Variants in XKR9 observed in about 807,000 individuals in gnomAD.
XKR9 encodes the protein XK-related protein 9.
A neutral mutation model predicts 32.0 loss-of-function variants in XKR9; 32 were observed. The observed-to-expected ratio is 1.00, with a 90% CI of 0.76 to 1.34. XKR9 has a LOEUF of 1.34. Ranked by LOEUF, XKR9 falls within the 40% of genes most tolerant of loss-of-function variation. The probability of loss-of-function intolerance (pLI) is 0.00; values close to 1 mark genes in which losing one functional copy is unlikely to be tolerated. For synonymous variants in XKR9, 168 were observed against 143.4 expected (o/e 1.17, Z -1.22); for missense variants, 546 against 429.7 (o/e 1.27, Z -2.39).
intron 2 of XKR9, among the ~76,000 whole-genome samples, chr8:70,754,639 C>T (rs1329870387): frequency 6.6e-6 from 1 of 151,306 alleles, no homozygotes; most frequent in Non-Finnish European, 1.5e-5. Context: ...CTTTGACAAA[C>T]CTGACAAAAA....
the XKR9 span, among the ~76,000 whole-genome samples, chr8:70,815,786 C>T: frequency 6.6e-6 from 1 of 152,034 alleles, no homozygotes; most frequent in African/African-American, 2.4e-5. Context: ...CAGCCTCCCA[C>T]AGTGCTGGGA....
the XKR9 span, among the ~76,000 whole-genome samples, chr8:70,868,617 CCTCCTAGTCCTTTGAGG>C: frequency 2.6e-5 from 4 of 152,098 alleles, no homozygotes; most frequent in Non-Finnish European, 5.9e-5. Flanking sequence ...ACCACTTTTT[CCTCCTAGTCCTTTGAGG>C]CTGTGATGGG....
chr8:70,927,310 G>T, the XKR9 span, among the ~76,000 whole-genome samples: 1 of 152,100 alleles, frequency 6.6e-6, no homozygotes, highest in Non-Finnish European at 1.5e-5. Context: ...CCTGGGTGGG[G>T]ATCGTCTTTG....
At chr8:70,680,009 A>G (rs1819020740) in intron 2 of XKR9, among the ~76,000 whole-genome samples, 1 of 152,122 alleles carries the variant, frequency 6.6e-6, no homozygotes, top group Non-Finnish European at 1.5e-5. Flanking sequence ...TGTAAAAAAA[A>G]AACCTCAAAA....
At chr8:70,859,783 C>T in the XKR9 span, among the ~76,000 whole-genome samples, 1 of 152,022 alleles carries the variant, frequency 6.6e-6, no homozygotes, top group Admixed American at 6.6e-5. Context: ...GGGAGCTAAA[C>T]ATGATGTCAT....
chr8:70,683,015 A>G (rs1370634209), intron 3 of XKR9, among the ~76,000 whole-genome samples: 2 of 152,188 alleles, frequency 1.3e-5, no homozygotes, highest in Non-Finnish European at 2.9e-5. Context: ...TTGCCTAACA[A>G]CAGCCCTTTG....
the XKR9 span, among the ~76,000 whole-genome samples, chr8:70,960,365 C>T: frequency 1.3e-5 from 2 of 152,162 alleles, no homozygotes; most frequent in Non-Finnish European, 2.9e-5. Context: ...TGGGTAGCAG[C>T]CATTTTTCCA....
intron 2 of XKR9, among the ~76,000 whole-genome samples, chr8:70,786,691 G>T (rs1366928942): frequency 6.6e-6 from 1 of 152,038 alleles, no homozygotes; most frequent in Non-Finnish European, 1.5e-5. Context: ...GCAGCATATA[G>T]TTGGGTCTTG....
chr8:70,755,901 AAAG>A (rs200971026), intron 2 of XKR9, among the ~76,000 whole-genome samples: 47,802 of 151,304 alleles, frequency 0.32, 8,804 homozygotes, highest in Non-Finnish European at 0.43. Flanking sequence ...CCTAAAACTT[AAAG>A]TATAATAATA....
the XKR9 span, among the ~76,000 whole-genome samples, chr8:70,985,811 A>G: frequency 6.6e-5 from 10 of 152,256 alleles, no homozygotes; most frequent in Admixed American, 3.3e-4. Flanking sequence ...TCTACTTTAA[A>G]GAGCACGCAC....
the XKR9 span, among the ~76,000 whole-genome samples, chr8:70,837,440 A>G: frequency 1.3e-5 from 2 of 152,092 alleles, no homozygotes; most frequent in East Asian, 1.9e-4. Context: ...GAATTTGACT[A>G]TGAGATTATG....
intron 2 of XKR9, among the ~76,000 whole-genome samples, chr8:70,676,969 T>A (rs2132103115): frequency 6.6e-6 from 1 of 152,304 alleles, no homozygotes; most frequent in Non-Finnish European, 1.5e-5. Context: ...ACTGAAGTAT[T>A]ATAGTCTGTA....
At chr8:70,846,058 A>G in the XKR9 span, among the ~76,000 whole-genome samples, 16 of 152,320 alleles carry the variant, frequency 1.1e-4, no homozygotes, top group Non-Finnish European at 1.6e-4. Context: ...AGGGAAAAGC[A>G]TCTAGTCACA....
chr8:71,013,274 G>A, the XKR9 span, among the ~76,000 whole-genome samples: 1 of 152,264 alleles, frequency 6.6e-6, no homozygotes, highest in Middle Eastern at 3.4e-3. Context: ...TTTCTGCAGA[G>A]CCACAATCCC....
At chr8:70,984,733 A>C in the XKR9 span, among the ~76,000 whole-genome samples, 1 of 152,352 alleles carries the variant, frequency 6.6e-6, no homozygotes, top group African/African-American at 2.4e-5. Context: ...CTATTCATTA[A>C]GTACCTGAGG....
exon 3 of XKR9, chr8:70,789,342 G>A (rs143822609): frequency 6.6e-6 from 1 of 152,082 alleles, no homozygotes; most frequent in Non-Finnish European, 1.5e-5. Context: ...CATATAGGAA[G>A]CTTTGAAAAA....
At chr8:71,042,249 A>G in the XKR9 span, among the ~76,000 whole-genome samples, 3 of 152,174 alleles carry the variant, frequency 2.0e-5, no homozygotes, top group African/African-American at 7.2e-5. Flanking sequence ...TACCAAGGGA[A>G]GCACCTGGAG....
chr8:70,764,837 C>T (rs749068144), intron 2 of XKR9, among the ~76,000 whole-genome samples: 4 of 152,022 alleles, frequency 2.6e-5, no homozygotes, highest in African/African-American at 7.2e-5. Flanking sequence ...TGAGAACATG[C>T]GGTGTTTGGT....
intron 2 of XKR9, among the ~76,000 whole-genome samples, chr8:70,760,135 T>A (rs1267748046): frequency 6.6e-6 from 1 of 152,222 alleles, no homozygotes; most frequent in Non-Finnish European, 1.5e-5. Flanking sequence ...TCTTCAACAG[T>A]CATCATTCTG....
Sources: allele counts gnomAD v4.1 joint callset (sites outside exome capture counted in the v4.1 genomes callset), GRCh38; gene constraint gnomAD v4.1.1; transcripts MANE v1.5; gene names NCBI Gene and HGNC (gene_info 2026-07-23, HGNC 2026-07-21).